The following BBOX1 variants were observed in gnomAD, a reference collection of about 807,000 sequenced individuals.
The protein encoded by BBOX1 is gamma-butyrobetaine hydroxylase 1.
A neutral mutation model predicts 41.6 loss-of-function variants in BBOX1; 35 were observed. That is an observed-to-expected ratio of 0.84 (90% CI 0.64 to 1.11). The LOEUF (loss-of-function observed/expected upper bound fraction) is 1.11. BBOX1 is among the 50% of genes most tolerant of loss of function. The pLI, the probability that BBOX1 is intolerant of heterozygous loss-of-function variation, is 0.00. For synonymous variants in BBOX1, 163 were observed against 154.7 expected (o/e 1.05, Z -0.40); for missense variants, 458 against 460.6 (o/e 0.99, Z 0.05).
chr11:27,096,551 C>T (rs1314800920), intron 5 of BBOX1, among the ~76,000 whole-genome samples: 1 of 151,994 alleles, frequency 6.6e-6, no homozygotes, highest in Non-Finnish European at 1.5e-5. Flanking sequence ...CCACGTTAGA[C>T]ATGCCTTCCT....
At chr11:27,114,760 A>G (rs1859195747) in intron 5 of BBOX1, among the ~76,000 whole-genome samples, 1 of 151,942 alleles carries the variant, frequency 6.6e-6, no homozygotes, top group Admixed American at 6.6e-5. Flanking sequence ...AAATGAACAA[A>G]TTATCTAAAT....
At chr11:27,098,230 A>C (rs1858514500) in intron 5 of BBOX1, among the ~76,000 whole-genome samples, 2 of 151,820 alleles carry the variant, frequency 1.3e-5, no homozygotes, top group African/African-American at 4.8e-5. Context: ...CACCTGCTAC[A>C]TCCTCCCATT....
At chr11:27,053,992 C>T (rs569357540) in intron 2 of BBOX1, among the ~76,000 whole-genome samples, 1 of 152,172 alleles carries the variant, frequency 6.6e-6, no homozygotes, top group Admixed American at 6.5e-5. Context: ...CTAAATTATC[C>T]AAGCCAATGA....
intron 4 of BBOX1, among the ~76,000 whole-genome samples, chr11:27,058,293 C>T (rs1857044648): frequency 6.6e-6 from 1 of 152,190 alleles, no homozygotes; most frequent in Non-Finnish European, 1.5e-5. Flanking sequence ...GCCATGCTTC[C>T]TGTATAGCCT....
intron 4 of BBOX1, among the ~76,000 whole-genome samples, chr11:27,081,814 G>A (rs777006349): frequency 2.0e-5 from 3 of 152,136 alleles, no homozygotes; most frequent in African/African-American, 7.2e-5. Context: ...CAGTGATGAT[G>A]AGCATTTTTT....
chr11:27,120,239 T>A (rs1311179543), intron 7 of BBOX1, among the ~76,000 whole-genome samples: 1 of 152,162 alleles, frequency 6.6e-6, no homozygotes, highest in Non-Finnish European at 1.5e-5. Flanking sequence ...AGCTTTGCCA[T>A]CTTCTATGTT....
chr11:27,073,586 CA>C (rs1192305636), intron 4 of BBOX1, among the ~76,000 whole-genome samples: 1 of 150,814 alleles, frequency 6.6e-6, no homozygotes, highest in African/African-American at 2.5e-5. Flanking sequence ...GATTATAAAT[CA>C]TGCTGCTATA....
At chr11:27,106,781 A>G (rs1858888108) in intron 5 of BBOX1, among the ~76,000 whole-genome samples, 1 of 152,166 alleles carries the variant, frequency 6.6e-6, no homozygotes, top group East Asian at 1.9e-4. Flanking sequence ...TCAACAGAAT[A>G]TACATTCTTC....
At chr11:27,043,161 T>G (rs1489839062) in intron 2 of BBOX1, among the ~76,000 whole-genome samples, 1 of 152,168 alleles carries the variant, frequency 6.6e-6, no homozygotes, top group Admixed American at 6.5e-5. Context: ...CCTCCCGGGT[T>G]CACGCCATTC....
chr11:27,054,489 A>G (rs1856918414), intron 2 of BBOX1, among the ~76,000 whole-genome samples: 1 of 152,178 alleles, frequency 6.6e-6, no homozygotes, highest in African/African-American at 2.4e-5. Context: ...CTGAAGGTCA[A>G]ATATATAGTC....
intron 2 of BBOX1, among the ~76,000 whole-genome samples, chr11:27,052,510 A>G (rs1354596903): frequency 1.3e-5 from 2 of 152,076 alleles, no homozygotes; most frequent in East Asian, 3.9e-4. Context: ...TGGTATCAAC[A>G]TGCCTTTTAA....
intron 4 of BBOX1, among the ~76,000 whole-genome samples, chr11:27,082,220 C>A (rs943996864): frequency 3.3e-5 from 5 of 152,046 alleles, no homozygotes; most frequent in African/African-American, 4.8e-5. Flanking sequence ...TGGGTAGGGG[C>A]AAATATCCAA....
intron 8 of BBOX1, among the ~76,000 whole-genome samples, chr11:27,126,364 C>T (rs531378281): frequency 6.6e-6 from 1 of 152,240 alleles, no homozygotes; most frequent in South Asian, 2.1e-4. Flanking sequence ...CATGCAGTCA[C>T]AGCAGGTTAA....
intron 5 of BBOX1, among the ~76,000 whole-genome samples, chr11:27,096,583 G>A (rs777955326): frequency 1.3e-5 from 2 of 151,878 alleles, no homozygotes; most frequent in South Asian, 2.1e-4. Context: ...TACCCACCTC[G>A]CACTTTGCCA....
At position 27,093,280 on chromosome 11, in the gene BBOX1, A is replaced by T; in HGVS notation, c.447A>T (p.Ile149=). The change falls in exon 5 of 9, where the codon ATA becomes ATT. Residue 149 remains isoleucine (I), a synonymous_variant. Transcript: ENST00000263182. ...TCTCCACCCTCAAGAAAGTAGGCAT[A>T]GTAAGACTCACCGGAGCATCTGACA... ...KWLSTLKKVG[I]VRLTGASDKP... 6 of 1,612,622 alleles carry T rather than the reference A, an allele frequency of 3.7e-6. No homozygotes were observed. Among genetic ancestry groups the T allele is most frequent in the Non-Finnish European group, 5.1e-6 (6 of 1,179,074 alleles).
chr11:27,102,008 TC>T (rs1858678634), intron 5 of BBOX1, among the ~76,000 whole-genome samples: 1 of 150,034 alleles, frequency 6.7e-6, no homozygotes, highest in African/African-American at 2.4e-5. Context: ...CCTACTCCCA[TC>T]CCTTGTAACC....
chr11:27,075,710 C>T (rs767915106), intron 4 of BBOX1, among the ~76,000 whole-genome samples: 6 of 152,270 alleles, frequency 3.9e-5, no homozygotes, highest in South Asian at 2.1e-4. Context: ...CAAGTAGAGA[C>T]GAATTGTGAC....
chr11:27,116,461 T>A (rs1859266386), intron 6 of BBOX1, among the ~76,000 whole-genome samples: 1 of 53,884 alleles, frequency 1.9e-5, no homozygotes, highest in African/African-American at 7.7e-5. Context: ...ATCCCAGAAC[T>A]TAAAGTATAA....
chr11:27,064,046 G>T (rs147099754), intron 4 of BBOX1, among the ~76,000 whole-genome samples: 35 of 152,080 alleles, frequency 2.3e-4, no homozygotes, highest in Non-Finnish European at 2.5e-4. Flanking sequence ...AATATGCCTC[G>T]CCCATGTGAT....
Sources: gnomAD v4.1 joint callset for allele counts (sites outside exome capture counted in the v4.1 genomes callset) on GRCh38, gnomAD v4.1.1 for gene constraint, MANE v1.5 for transcripts, NCBI Gene and HGNC (gene_info 2026-07-23, HGNC 2026-07-21) for gene names.